ELF3: variants seen among roughly 807,000 people sequenced by gnomAD.
ELF3 encodes E74 like ETS transcription factor 3, also known as ETS-related transcription factor Elf-3.
A neutral mutation model predicts 43.9 loss-of-function variants in ELF3; 18 were observed. That is an observed-to-expected ratio of 0.41 (90% CI 0.28 to 0.61). The LOEUF (loss-of-function observed/expected upper bound fraction) is 0.61, where lower values mean the gene tolerates loss of function less well. Ranked by LOEUF, ELF3 falls within the 20% of genes least tolerant of loss-of-function variation. The pLI is 0.30. For synonymous variants in ELF3, 181 were observed against 190.2 expected, an observed-to-expected ratio of 0.95 and a Z score of 0.40; for missense variants, 373 against 487.7, an observed-to-expected ratio of 0.76 and a Z score of 2.21.
Position 202,013,444 on chromosome 1 carries a change from TG to T in ELF3, c.805+148del. On this transcript the variant is annotated intron_variant, in intron 7 of 8. Transcript: ENST00000367284. This position sits in a 1 kb window ranked among gnomAD's most constrained non-coding sequence, Gnocchi z 5.7. The stretch of plus-strand genomic sequence containing the variant: ...GGCTGTGCACAAGCTGGGGGCTCTA[TG>T]GTATCGGTCACCACCTAATTGCAGA... The T allele has an allele frequency of 1.2e-6, 1 of 826,054 alleles. No homozygotes were observed. Among genetic ancestry groups the T allele is most frequent in the Non-Finnish European group, 1.9e-6 (1 of 518,298 alleles). The allele number at this position is 826,054 out of a possible 1,614,324, so 51.2% of individuals were successfully genotyped here. A position where few individuals can be genotyped will look rare whatever the true frequency, so the allele number is the denominator to read the frequency against.
At chr1:202,015,022 G>A (rs1223875867) in intron 8 of ELF3, 187 bp from the exon 9 acceptor site, 1 of 579,182 alleles carries the variant, frequency 1.7e-6, no homozygotes, top group East Asian at 3.0e-5. Flanking sequence ...GCCAGTGTAG[G>A]GAAAGAGCTT....
chr1:202,011,292 G>A lies in ELF3; in HGVS notation c.156G>A (p.Glu52=). The change falls in exon 2 of 9, where the codon GAG becomes GAA. Residue 52 remains glutamate (E), a synonymous_variant. Coordinates refer to ENST00000367284, the MANE Select transcript of ELF3 (RefSeq NM_004433.5). The part of the protein sequence containing the change: ...LTLSNPQMSL[E]GTEKASWLGE... Reference sequence around the variant, plus strand: ...TGAGCAACCCCCAGATGTCATTGGAGGGTACAGGTGGGTCTCAGCGGGGTG... The same window carrying A: ...TGAGCAACCCCCAGATGTCATTGGAAGGTACAGGTGGGTCTCAGCGGGGTG... 1 of 1,577,764 alleles carries A rather than the reference G, an allele frequency of 6.3e-7. No homozygotes were observed. The highest frequency in any genetic ancestry group is 8.6e-7 in the Non-Finnish European group (1 of 1,159,558).
chr1:202,013,821 C>A lies in ELF3; in HGVS notation c.806-8C>A, dbSNP rs1441827992. 1 of 1,605,428 alleles carries A rather than the reference C, an allele frequency of 6.2e-7. No individual in the cohort carries two copies. Among genetic ancestry groups the A allele is most frequent in the Non-Finnish European group, 8.5e-7 (1 of 1,173,900 alleles). Reference sequence around the variant, plus strand: ...TGGATGGCAAACTGATGGAGGCTGGCCTTGCAGCGCCCAGAGGCACCCACC... The same window carrying A: ...TGGATGGCAAACTGATGGAGGCTGGACTTGCAGCGCCCAGAGGCACCCACC... On this transcript the variant is annotated splice_polypyrimidine_tract_variant and splice_region_variant and intron_variant, in intron 7 of 8. Coordinates refer to ENST00000367284, the MANE Select transcript of ELF3 (RefSeq NM_004433.5). The surrounding 1 kb of genome is among the most constrained non-coding windows in gnomAD (Gnocchi z 5.7).
chr1:202,013,122 G>T lies in ELF3; in HGVS notation c.689-60G>T, dbSNP rs73074457. 4,262 of 1,605,274 alleles carry T rather than the reference G, an allele frequency of 2.7e-3. 100 individuals carry two copies. In the African/African-American group the frequency reaches 0.051, roughly 19 times the overall value. ...CTTCCTGCAGCCTTTTCCTGTAGAG[G>T]GGCTACTCTCCCTAACTCCCCTCTT... On this transcript the variant is annotated intron_variant, in intron 6 of 8. Coordinates refer to ENST00000367284, the MANE Select transcript of ELF3 (RefSeq NM_004433.5). This position sits in a 1 kb window ranked among gnomAD's most constrained non-coding sequence, Gnocchi z 5.7.
chr1:202,015,352 C>T lies in ELF3; in HGVS notation c.*29C>T, dbSNP rs773846216. 2.5e-6 allele frequency: 4 copies of T among 1,610,884 alleles called. No homozygotes were observed. In the South Asian group the frequency reaches 4.4e-5, roughly 18 times the overall value. On this transcript the variant is annotated 3_prime_UTR_variant, in exon 9 of 9. Coordinates refer to ENST00000367284, the MANE Select transcript of ELF3 (RefSeq NM_004433.5). The stretch of plus-strand genomic sequence containing the variant: ...TTGGAACTATACCCGGGACCAAACT[C>T]ACGGACCACTCGAGGCCTGCAAACC...
In ELF3 at chr1:202,015,206, C is replaced by T; in HGVS notation, c.1002-3C>T. On this transcript the variant is annotated splice_region_variant and splice_polypyrimidine_tract_variant and intron_variant, in intron 8 of 8. Transcript: ENST00000367284. ...ACCTCTGACCATCCTTCTCTTCACC[C>T]AGGTACTACTACAAACGGGAGATCC... is the stretch of plus-strand genomic sequence containing the variant. 1 of 1,613,976 alleles carries T rather than the reference C, an allele frequency of 6.2e-7. No individual in the cohort carries two copies.
At position 202,012,779 on chromosome 1, in the gene ELF3, C is replaced by A; in HGVS notation, c.598+20C>A. Reference sequence around the variant, plus strand: ...CCGCAGGTGAGAGCTCTCTCTGGGCCACAACCTCCCTTCCCCGAAGTGTCC... The same window carrying A: ...CCGCAGGTGAGAGCTCTCTCTGGGCAACAACCTCCCTTCCCCGAAGTGTCC... On this transcript the variant is annotated intron_variant, in intron 5 of 8. Transcript: ENST00000367284. The surrounding 1 kb of genome is among the most constrained non-coding windows in gnomAD (Gnocchi z 4.2). 6.5e-7 allele frequency: 1 copy of A among 1,542,140 alleles called. No homozygotes were observed.
chr1:202,013,641 G>T lies in ELF3; in HGVS notation c.806-188G>T, dbSNP rs1684256567. 1 of 670,096 alleles carries T rather than the reference G, an allele frequency of 1.5e-6. No individual in the cohort carries two copies. The highest frequency in any genetic ancestry group is 2.1e-5 in the South Asian group (1 of 48,320). The allele number at this position is 670,096 out of a possible 1,614,324, so 41.5% of individuals were successfully genotyped here. On this transcript the variant is annotated intron_variant, in intron 7 of 8. Transcript: ENST00000367284. The surrounding 1 kb of genome is among the most constrained non-coding windows in gnomAD (Gnocchi z 5.7). ...CACCCTCAATGTGAGGAGGCAGCTG[G>T]TGGGTCTTAGGTGGGCTGAGGAGAA...
At position 202,016,077 on chromosome 1, in the gene ELF3, G is replaced by A. The variant is rs773656059; in HGVS notation, c.*754G>A. On this transcript the variant is annotated 3_prime_UTR_variant, in exon 9 of 9. Transcript: ENST00000367284. Reference sequence around the variant, plus strand: ...AATATGGTCAAGAGGTTGGAGGGGAGGAAAATGAAGGTCTACCAGGCTGAG... The same window carrying A: ...AATATGGTCAAGAGGTTGGAGGGGAAGAAAATGAAGGTCTACCAGGCTGAG... 10 of 152,472 alleles carry A rather than the reference G, an allele frequency of 6.6e-5. No homozygotes were observed. The highest frequency in any genetic ancestry group is 2.9e-5 in the Non-Finnish European group (2 of 68,092). 9.4% of individuals were successfully genotyped at this position (152,472 alleles called of 1,614,324 possible). A position where few individuals can be genotyped will look rare whatever the true frequency, so the allele number is the denominator to read the frequency against.
At position 202,013,342 on chromosome 1, in the gene ELF3, C is replaced by T. The variant is rs754631279; in HGVS notation, c.805+44C>T. ...TGGGTCCTCCCTGCGCCGGGCTGAG[C>T]GGCTTCCTGGGGCACTGCGGGTTGT... On this transcript the variant is annotated intron_variant, in intron 7 of 8. Coordinates refer to ENST00000367284, the MANE Select transcript of ELF3 (RefSeq NM_004433.5). The surrounding 1 kb of genome is among the most constrained non-coding windows in gnomAD (Gnocchi z 5.7). 5.0e-5 allele frequency: 80 copies of T among 1,586,410 alleles called. No individual in the cohort carries two copies. Among genetic ancestry groups the T allele is most frequent in the African/African-American group, 3.2e-4 (24 of 74,414 alleles).
In ELF3 at chr1:202,012,090, C is replaced by A; in HGVS notation, c.297C>A (p.Gly99=). Residue 99 remains glycine (G), a synonymous_variant, in exon 3 of 9, where the codon GGC becomes GGA. Coordinates refer to ENST00000367284, the MANE Select transcript of ELF3 (RefSeq NM_004433.5). This position sits in a 1 kb window ranked among gnomAD's most constrained non-coding sequence, Gnocchi z 4.2. ...ACTTCTCACGATGTGACATGGATGGCGCCACCCTCTGCAATTGTGCCCTTG... is the reference window on the plus strand; with the variant it reads ...ACTTCTCACGATGTGACATGGATGGAGCCACCCTCTGCAATTGTGCCCTTG... ...AIDFSRCDMD[G]ATLCNCALEE... 3.1e-6 allele frequency: 5 copies of A among 1,613,956 alleles called. No individual in the cohort carries two copies. Among genetic ancestry groups the A allele is most frequent in the Non-Finnish European group, 4.2e-6 (5 of 1,179,988 alleles).
chr1:202,012,650 C>T lies in ELF3; in HGVS notation c.489C>T (p.Ser163=), dbSNP rs979870698. 3.1e-6 allele frequency: 5 copies of T among 1,603,036 alleles called. No individual in the cohort carries two copies. The African/African-American group carries it at 4.0e-5, about 13-fold the overall frequency. ...ACCTCCTCTTCCCAGACCAGGGCAGCCCCTTTGCCCAGGAGCTGCTGGACG... is the reference window on the plus strand; with the variant it reads ...ACCTCCTCTTCCCAGACCAGGGCAGTCCCTTTGCCCAGGAGCTGCTGGACG... ...ALDPGPFDQG[S]PFAQELLDDG... is the part of the protein sequence containing the mutation. Residue 163 remains serine, a synonymous_variant, in exon 5 of 9, where the codon AGC becomes AGT. Transcript: ENST00000367284. This position sits in a 1 kb window ranked among gnomAD's most constrained non-coding sequence, Gnocchi z 4.2.
rs762671088 is a variant in ELF3 at position 202,015,222 on chromosome 1, C to T, written c.1015C>T (p.Arg339Trp). ...CTCTTCACCCAGGTACTACTACAAA[C>T]GGGAGATCCTGGAACGGGTGGATGG... The part of the protein sequence containing the change: ...LSRAMRYYYK[R>W]EILERVDGRR... The change falls in exon 9 of 9, where the codon CGG becomes TGG. Residue 339 changes from arginine (R) to tryptophan (W), a missense_variant. Physicochemically the swap from Arg to Trp is moderately radical, Grantham distance 101. Around this residue, in one of 3 missense-constraint regions of ELF3, gnomAD observed 61 missense variants for 115.9 expected, o/e 0.53. Coordinates refer to ENST00000367284, the MANE Select transcript of ELF3 (RefSeq NM_004433.5). 2.5e-6 allele frequency: 4 copies of T among 1,614,036 alleles called. No homozygotes were observed. The highest frequency in any genetic ancestry group is 1.3e-5 in the African/African-American group (1 of 75,020).
Position 202,015,425 on chromosome 1 carries a change from T to C in ELF3, c.*102T>C, listed in dbSNP as rs981747106. On this transcript the variant is annotated 3_prime_UTR_variant, in exon 9 of 9. Coordinates refer to ENST00000367284, the MANE Select transcript of ELF3 (RefSeq NM_004433.5). ...AGATGGCCCCTCCACTGGGGAATGC[T>C]CCCAGCTGTGCTGTGGAGAGAAGCT... The C allele has an allele frequency of 1.5e-4, 166 of 1,117,322 alleles. No individual in the cohort carries two copies. The African/African-American group carries it at 2.2e-3, about 15-fold the overall frequency. 69.2% of individuals were successfully genotyped at this position (1,117,322 alleles called of 1,614,324 possible). A position where few individuals can be genotyped will look rare whatever the true frequency, so the allele number is the denominator to read the frequency against.
At position 202,011,246 on chromosome 1, in the gene ELF3, C is replaced by A. The variant is rs762316328; in HGVS notation, c.110C>A (p.Ala37Asp). The A allele has an allele frequency of 1.2e-6, 2 of 1,612,428 alleles. No homozygotes were observed. Among genetic ancestry groups the A allele is most frequent in the South Asian group, 2.2e-5 (2 of 90,770 alleles). Residue 37 changes from alanine to aspartate, a missense_variant, in exon 2 of 9, where the codon GCC becomes GAC. This residue lies in a region of ELF3 where 311 missense variants were observed against 351.2 expected (regional missense o/e 0.89). Coordinates refer to ENST00000367284, the MANE Select transcript of ELF3 (RefSeq NM_004433.5). The stretch of plus-strand genomic sequence containing the variant: ...GTTCCCCCTGCTGCCACCTTTGGGG[C>A]CGATGACTTGGTACTGACCCTGAGC... ...ASVPPAATFG[A>D]DDLVLTLSNP...
chr1:202,012,884 G>A lies in ELF3; in HGVS notation c.599-63G>A. ...ACAGGCTGGGAAGTGTGTCCTGAGA[G>A]CCAGCAGCGTGGTTGAGCAGAGGGT... On this transcript the variant is annotated intron_variant, in intron 5 of 8. Coordinates refer to ENST00000367284, the MANE Select transcript of ELF3 (RefSeq NM_004433.5). The surrounding 1 kb of genome is among the most constrained non-coding windows in gnomAD (Gnocchi z 4.2). 6 of 1,567,420 alleles carry A rather than the reference G, an allele frequency of 3.8e-6. No individual in the cohort carries two copies. The highest frequency in any genetic ancestry group is 2.2e-5 in the East Asian group (1 of 44,462).
At position 202,013,140 on chromosome 1, in the gene ELF3, C is replaced by T; in HGVS notation, c.689-42C>T. ...TGTAGAGGGGCTACTCTCCCTAACT[C>T]CCCTCTTGCCCCTCCTTGACCTTCC... On this transcript the variant is annotated intron_variant, in intron 6 of 8. Transcript: ENST00000367284. The surrounding 1 kb of genome is among the most constrained non-coding windows in gnomAD (Gnocchi z 5.7). 1 of 1,610,050 alleles carries T rather than the reference C, an allele frequency of 6.2e-7. No individual in the cohort carries two copies. Among genetic ancestry groups the T allele is most frequent in the Non-Finnish European group, 8.5e-7 (1 of 1,177,598 alleles).
At chr1:202,015,120 C>T in intron 8 of ELF3, 89 bp from the exon 9 acceptor site, 17 of 1,362,348 alleles carry the variant, frequency 1.2e-5, no homozygotes, top group Non-Finnish European at 1.7e-5. Flanking sequence ...CATGGGTTAC[C>T]TGGGGGTAAC....
Position 202,012,444 on chromosome 1 carries a change from C to G in ELF3, c.478+8C>G, listed in dbSNP as rs1684224461. On this transcript the variant is annotated splice_region_variant and intron_variant, in intron 4 of 8. Transcript: ENST00000367284. This position sits in a 1 kb window ranked among gnomAD's most constrained non-coding sequence, Gnocchi z 4.2. ...TAGACCCAGGGCCCTTTGGTGAGAA[C>G]CCGTTTTCTCCTTCCTTCCCCAGCC... 6.2e-7 allele frequency: 1 copy of G among 1,613,406 alleles called. No homozygotes were observed. Among genetic ancestry groups the G allele is most frequent in the East Asian group, 2.2e-5 (1 of 44,874 alleles).
Sources: gnomAD v4.1 joint callset for allele counts on GRCh38, gnomAD v4.1.1 for gene constraint, gnomAD v4.1.1 regional missense constraint, Gnocchi (gnomAD v3.1) non-coding constraint, MANE v1.5 for transcripts, NCBI Gene and HGNC (gene_info 2026-07-23, HGNC 2026-07-21) for gene names.